Variants in TOR1AIP2 observed in about 807,000 individuals in gnomAD.
The protein encoded by TOR1AIP2 is torsin 1A interacting protein 2.
TOR1AIP2 carries 20 observed loss-of-function variants against 32.6 expected under a neutral mutation model. That is an observed-to-expected ratio of 0.61 (90% CI 0.43 to 0.89). TOR1AIP2 has a LOEUF of 0.89. Among genes scored for constraint, TOR1AIP2 ranks in the 40% least tolerant of loss-of-function variants. The probability of loss-of-function intolerance (pLI) is 0.00; values close to 1 mark genes in which losing one functional copy is unlikely to be tolerated. For missense variants in TOR1AIP2, 456 were observed against 553.8 expected (o/e 0.82, Z 1.77); for synonymous variants, 214 against 210.8 (o/e 1.02, Z -0.13).
intron 3 of TOR1AIP2, 139 bp downstream of exon 3, chr1:179,865,297 T>C (rs1696724066): frequency 4.6e-6 from 6 of 1,307,350 alleles, no homozygotes; most frequent in South Asian, 3.2e-5. Context: ...GTTCAACCAA[T>C]ATTATTTGGA....
intron 2 of TOR1AIP2, chr1:179,875,846 T>C (rs892917253): frequency 2.0e-5 from 3 of 152,228 alleles, no homozygotes; most frequent in Non-Finnish European, 2.9e-5. Context: ...AGGGACACGC[T>C]TCCTTATTCC....
intron 3 of TOR1AIP2, among the ~76,000 whole-genome samples, chr1:179,854,690 C>G (rs1148812): frequency 0.46 from 69,768 of 151,850 alleles, 17,935 homozygotes; most frequent in African/African-American, 0.7. Context: ...GACCAACATG[C>G]TGAAACCCCA....
intron 3 of TOR1AIP2, chr1:179,863,737 C>CTTGATAATA: frequency 9.1e-6 from 9 of 983,640 alleles, no homozygotes; most frequent in Non-Finnish European, 1.1e-5. Flanking sequence ...AAGCTGGGAC[C>CTTGATAATA]TTGATAATAT....
intron 6 of TOR1AIP2, 38 bp from the exon 7 acceptor site, chr1:179,846,866 G>C (rs1204462747): frequency 6.5e-7 from 1 of 1,533,688 alleles, no homozygotes; most frequent in Admixed American, 2.0e-5. Flanking sequence ...AAATTACAGA[G>C]AACACGAGCC....
intron 3 of TOR1AIP2, chr1:179,863,525 T>C: frequency 1.0e-6 from 1 of 984,586 alleles, no homozygotes; most frequent in Non-Finnish European, 1.2e-6. Flanking sequence ...AACCTAACGA[T>C]AAAAAGCAAA....
At chr1:179,861,731 A>ATGAG (rs1209056886) in intron 3 of TOR1AIP2, 1 of 985,340 alleles carries the variant, frequency 1.0e-6, no homozygotes, top group Non-Finnish European at 1.2e-6. Context: ...TTGCAGTACT[A>ATGAG]TGAGTATTCT....
intron 3 of TOR1AIP2, chr1:179,863,450 G>A (rs763315134): frequency 5.1e-6 from 5 of 985,028 alleles, no homozygotes; most frequent in Non-Finnish European, 6.0e-6. Flanking sequence ...TCTACTTCCA[G>A]CCTTTCCTAG....
In TOR1AIP2 at chr1:179,852,589, T is replaced by C. The variant is rs1279176540; in HGVS notation, c.34+43A>G. ...ATTTTCTCTCTCTGCACACCCCTGG[T>C]TTCCTACAGCAGCAACCTCAGTGCC... is the stretch of plus-strand genomic sequence containing the variant. On this transcript the variant is annotated intron_variant, in intron 4 of 6. Transcript: ENST00000609928. 1.9e-6 allele frequency: 3 copies of C among 1,610,270 alleles called. No individual in the cohort carries two copies. In the Admixed American group the frequency reaches 5.0e-5, roughly 27 times the overall value.
At chr1:179,846,873 A>G (rs775603496) in intron 6 of TOR1AIP2, 45 bp from the exon 7 acceptor site, 1 of 1,523,556 alleles carries the variant, frequency 6.6e-7, no homozygotes, top group Non-Finnish European at 8.8e-7. Flanking sequence ...AGAGAACACG[A>G]GCCAGAAACA....
rs1695884573 is a variant in TOR1AIP2 at position 179,845,913 on chromosome 1, G to C, written c.*158C>G. The C allele has an allele frequency of 4.3e-6, 3 of 689,966 alleles. No individual in the cohort carries two copies. The allele number at this position is 689,966 out of a possible 1,614,324, so 42.7% of individuals were successfully genotyped here. ...GCTTAGATTAGAAAGATTTTACAAG[G>C]AATAAAAAATAAAAACTTGTTTCTA... is the stretch of plus-strand genomic sequence containing the variant. On this transcript the variant is annotated 3_prime_UTR_variant, in exon 7 of 7. Coordinates refer to ENST00000609928, the MANE Select transcript of TOR1AIP2 (RefSeq NM_001199260.2).
chr1:179,876,904 A>G (rs939375493), intron 2 of TOR1AIP2, among the ~76,000 whole-genome samples: 1 of 152,204 alleles, frequency 6.6e-6, no homozygotes, highest in Non-Finnish European at 1.5e-5. Context: ...ATTAAATACA[A>G]TTGGGAGAAT....
chr1:179,857,229 A>G (rs1227294741), intron 3 of TOR1AIP2, among the ~76,000 whole-genome samples: 1 of 152,220 alleles, frequency 6.6e-6, no homozygotes, highest in Non-Finnish European at 1.5e-5. Context: ...TGGCGGTTAT[A>G]ATGATTCATA....
In TOR1AIP2 at chr1:179,851,073, C is replaced by A. The variant is rs929769544; in HGVS notation, c.325G>T (p.Gly109Cys). ...GGATCTGGATCCAAGGGTTCTTTACCCAGATTTTCTGAAGGGAGGTGATGC... is the reference window on the plus strand; with the variant it reads ...GGATCTGGATCCAAGGGTTCTTTACACAGATTTTCTGAAGGGAGGTGATGC... ...KGHHLPSENL[G>C]KEPLDPDPSH... The change falls in exon 5 of 7, where the codon GGT (glycine) becomes TGT (cysteine). Residue 109 changes from glycine to cysteine, a missense_variant. Gly to Cys is a radical substitution (Grantham distance 159). Coordinates refer to ENST00000609928, the MANE Select transcript of TOR1AIP2 (RefSeq NM_001199260.2). 4.3e-6 allele frequency: 7 copies of A among 1,614,184 alleles called. No homozygotes were observed. Among genetic ancestry groups the A allele is most frequent in the Non-Finnish European group, 4.2e-6 (5 of 1,180,034 alleles).
intron 3 of TOR1AIP2, chr1:179,864,417 T>C (rs1304748719): frequency 7.0e-6 from 7 of 997,910 alleles, no homozygotes; most frequent in Non-Finnish European, 7.2e-6. Flanking sequence ...TCATTAGAAA[T>C]ACCACTATGA....
rs542616745 is a variant in TOR1AIP2 at position 179,867,336 on chromosome 1, A to G, written c.-565-1482T>C. Among the ~76,000 whole-genome samples, 13 of 152,234 alleles carry G rather than the reference A, an allele frequency of 8.5e-5. 1 individual carries two copies. The South Asian group carries it at 2.7e-3, about 32-fold the overall frequency. On this transcript the variant is annotated intron_variant, in intron 2 of 6. Transcript: ENST00000609928. ...CAGTTCCTCAGGCAGAGTGGACAAA[A>G]GGCTTGGTTTCCGACTCAATGACTA...
chr1:179,850,816 C>A lies in TOR1AIP2; in HGVS notation c.553+29G>T, dbSNP rs763635134. On this transcript the variant is annotated intron_variant, in intron 5 of 6. Coordinates refer to ENST00000609928, the MANE Select transcript of TOR1AIP2 (RefSeq NM_001199260.2). ...TCTCAGTTAACAGAGCAGTACAAAA[C>A]AGGAGAGTAGTTCAGGGGGTTCTCT... The A allele has an allele frequency of 8.7e-6, 14 of 1,600,638 alleles. No individual in the cohort carries two copies. In the South Asian group the frequency reaches 1.5e-4, roughly 17 times the overall value.
intron 5 of TOR1AIP2, 25 bp from the exon 6 acceptor site, chr1:179,847,661 AT>A: frequency 7.0e-7 from 1 of 1,436,980 alleles, no homozygotes; most frequent in Non-Finnish European, 9.8e-7. Flanking sequence ...AATCAATATT[AT>A]TTTTAGGCAG....
At chr1:179,863,922 T>A in intron 3 of TOR1AIP2, 1 of 985,374 alleles carries the variant, frequency 1.0e-6, no homozygotes, top group Non-Finnish European at 1.2e-6. Context: ...TCAGCAGACC[T>A]CCTTAGTTCT....
chr1:179,859,549 T>C (rs1160666816), intron 3 of TOR1AIP2: 44 of 985,302 alleles, frequency 4.5e-5, no homozygotes, highest in Non-Finnish European at 4.9e-5. Context: ...CCTTCAACTT[T>C]TCTCTATTTC....
Sources: allele counts gnomAD v4.1 joint callset (sites outside exome capture counted in the v4.1 genomes callset), GRCh38; gene constraint gnomAD v4.1.1; transcripts MANE v1.5; gene names NCBI Gene and HGNC (gene_info 2026-07-23, HGNC 2026-07-21).